PDAP1: variants seen among roughly 807,000 people sequenced by gnomAD.
The protein encoded by PDAP1 is 28 kDa heat- and acid-stable phosphoprotein.
Under a neutral mutation model 28.0 loss-of-function variants are expected in PDAP1, and 13 were observed. The observed-to-expected ratio is 0.46, with a 90% CI of 0.30 to 0.74. The LOEUF (loss-of-function observed/expected upper bound fraction) is 0.74, where lower values mean the gene tolerates loss of function less well. PDAP1 is among the 30% of genes least tolerant of loss of function. The pLI, the probability that PDAP1 is intolerant of heterozygous loss-of-function variation, is 0.07. For synonymous variants in PDAP1, 77 were observed against 85.1 expected (o/e 0.91, Z 0.52); for missense variants, 150 against 230.0 (o/e 0.65, Z 2.25).
Position 99,404,959 on chromosome 7 carries a change from G to T in PDAP1, c.14-6C>A. 6.2e-7 allele frequency: 1 copy of T among 1,611,606 alleles called. No individual in the cohort carries two copies. ...TTTGTGGCCTCCCTTTCTTCCTGCAGAGACCCGCAGTTTAGGTGAGCGGAA... is the reference window on the plus strand; with the variant it reads ...TTTGTGGCCTCCCTTTCTTCCTGCATAGACCCGCAGTTTAGGTGAGCGGAA... On this transcript the variant is annotated splice_region_variant and splice_polypyrimidine_tract_variant and intron_variant, in intron 1 of 5. Transcript: ENST00000350498.
Position 99,395,020 on chromosome 7 carries a change from C to T in PDAP1, c.*1662G>A, listed in dbSNP as rs957671608. 5.6e-5 allele frequency: 12 copies of T among 213,726 alleles called. No homozygotes were observed. The highest frequency in any genetic ancestry group is 1.2e-4 in the East Asian group (1 of 8,012). The allele number at this position is 213,726 out of a possible 1,614,324, so 13.2% of individuals were successfully genotyped here. On this transcript the variant is annotated 3_prime_UTR_variant, in exon 6 of 6. Coordinates refer to ENST00000350498, the MANE Select transcript of PDAP1 (RefSeq NM_014891.7). ...CAACAAAATTGATCCTGAAGCCCAA[C>T]GGCCTTATGCCAAATGGTTCCCTCC... is the stretch of plus-strand genomic sequence containing the variant.
rs1794794462 is a variant in PDAP1 at position 99,397,780 on chromosome 7, A to G, written c.487+82T>C. On this transcript the variant is annotated intron_variant, in intron 5 of 5. Transcript: ENST00000350498. ...TCCTCACCTCATTGTCACCTCGCGG[A>G]CAGGGACACGAGTTCAGTGCTTTGT... 4 of 1,533,288 alleles carry G rather than the reference A, an allele frequency of 2.6e-6. No individual in the cohort carries two copies. In the East Asian group the frequency reaches 9.1e-5, roughly 35 times the overall value. The allele number at this position is 1,533,288 out of a possible 1,614,324, so 95.0% of individuals were successfully genotyped here.
chr7:99,407,968 C>A lies in PDAP1; in HGVS notation c.13+568G>T, dbSNP rs569390455. ...ACCTAGTTGAAGCCTCCCAACAGTA[C>A]TAAGAGGTAGGTACAATCGTTATTC... On this transcript the variant is annotated intron_variant, in intron 1 of 5. Coordinates refer to ENST00000350498, the MANE Select transcript of PDAP1 (RefSeq NM_014891.7). Among the ~76,000 whole-genome samples the A allele has an allele frequency of 1.4e-4, 21 of 152,296 alleles. No homozygotes were observed. The East Asian group carries it at 3.5e-3, about 25-fold the overall frequency.
At chr7:99,397,669 T>C (rs931399389) in intron 5 of PDAP1, among the ~76,000 whole-genome samples, 193 bp downstream of exon 5, 6 of 152,204 alleles carry the variant, frequency 3.9e-5, no homozygotes, top group African/African-American at 1.4e-4. Flanking sequence ...GACCCCATGA[T>C]GTCGCTGGAC....
chr7:99,394,909 T>C lies in PDAP1; in HGVS notation c.*1773A>G. The C allele has an allele frequency of 1.1e-6, 1 of 949,100 alleles. No homozygotes were observed. The highest frequency in any genetic ancestry group is 1.3e-6 in the Non-Finnish European group (1 of 741,086). The allele number at this position is 949,100 out of a possible 1,614,324, so 58.8% of individuals were successfully genotyped here. Reference sequence around the variant, plus strand: ...CTAGAACTCGTGGGAGCAATCCTTCTGCCTCAGCCTCCCAAGTAGCTGGGA... The same window carrying C: ...CTAGAACTCGTGGGAGCAATCCTTCCGCCTCAGCCTCCCAAGTAGCTGGGA... On this transcript the variant is annotated 3_prime_UTR_variant, in exon 6 of 6. Coordinates refer to ENST00000350498, the MANE Select transcript of PDAP1 (RefSeq NM_014891.7).
intron 3 of PDAP1, among the ~76,000 whole-genome samples, chr7:99,402,894 A>G (rs1435135873): frequency 1.6e-5 from 2 of 127,526 alleles, no homozygotes; most frequent in Non-Finnish European, 3.0e-5. Context: ...AAAAAAAAAA[A>G]AAGAAAAGAA....
intron 1 of PDAP1, among the ~76,000 whole-genome samples, chr7:99,407,671 C>T (rs185531984): frequency 6.6e-6 from 1 of 152,212 alleles, no homozygotes; most frequent in East Asian, 1.9e-4. Flanking sequence ...AGGATTAGCC[C>T]AGTGTTTCAG....
At chr7:99,396,817 G>A in intron 5 of PDAP1, 77 bp from the exon 6 acceptor site, 1 of 1,136,964 alleles carries the variant, frequency 8.8e-7, no homozygotes, top group East Asian at 2.4e-5. Flanking sequence ...CAGAACCCTA[G>A]AACTTTAGGT....
chr7:99,397,884 C>G lies in PDAP1; in HGVS notation c.465G>C (p.Arg155=), dbSNP rs775964330. The G allele has an allele frequency of 6.2e-7, 1 of 1,613,242 alleles. No individual in the cohort carries two copies. The highest frequency in any genetic ancestry group is 1.1e-5 in the South Asian group (1 of 91,044). Residue 155 remains arginine, a synonymous_variant, in exon 5 of 6, where the codon CGG becomes CGC. Transcript: ENST00000350498. ...IIRKQREEAA[R]KKEEERKAKD... ...TACCTTTCCTTTCCTCTTCCTTCTT[C>G]CGGGCAGCCTCCTCCCGCTGTTTCC... is the stretch of plus-strand genomic sequence containing the variant.
At chr7:99,401,487 G>A (rs1006831839) in intron 3 of PDAP1, among the ~76,000 whole-genome samples, 19 of 151,834 alleles carry the variant, frequency 1.3e-4, no homozygotes, top group African/African-American at 3.4e-4. Flanking sequence ...CACCACCCCC[G>A]ACTAATTTTG....
chr7:99,405,845 T>G, intron 1 of PDAP1, among the ~76,000 whole-genome samples: 1 of 152,202 alleles, frequency 6.6e-6, no homozygotes, highest in East Asian at 1.9e-4. Context: ...CCTCTCAGTC[T>G]CAGTTTCCTC....
At chr7:99,399,966 G>A (rs1433535868) in intron 4 of PDAP1, among the ~76,000 whole-genome samples, 2 of 152,188 alleles carry the variant, frequency 1.3e-5, no homozygotes, top group Non-Finnish European at 2.9e-5. Context: ...CATTACAGAT[G>A]GATGCAGGTC....
rs1181651269 is a variant in PDAP1, at chr7:99,396,611, G to C, written c.*71C>G. 4 of 1,328,280 alleles carry C rather than the reference G, an allele frequency of 3.0e-6. No individual in the cohort carries two copies. The highest frequency in any genetic ancestry group is 1.4e-5 in the African/African-American group (1 of 69,548). The allele number at this position is 1,328,280 out of a possible 1,614,324, so 82.3% of individuals were successfully genotyped here. A position where few individuals can be genotyped will look rare whatever the true frequency, so the allele number is the denominator to read the frequency against. ...CTGTTGCAGCGGCGCCAGGGCACAG[G>C]GTGGGCGAGACACAGCAGAGGTCCT... On this transcript the variant is annotated 3_prime_UTR_variant, in exon 6 of 6. Coordinates refer to ENST00000350498, the MANE Select transcript of PDAP1 (RefSeq NM_014891.7).
At chr7:99,408,369 T>C (rs1795027409) in intron 1 of PDAP1, among the ~76,000 whole-genome samples, 167 bp downstream of exon 1, 1 of 151,980 alleles carries the variant, frequency 6.6e-6, no homozygotes, top group African/African-American at 2.4e-5. Context: ...CAGTCCTCAG[T>C]TTCCCCATCG....
intron 1 of PDAP1, among the ~76,000 whole-genome samples, chr7:99,405,599 T>G (rs1372603972): frequency 6.6e-6 from 1 of 151,888 alleles, no homozygotes; most frequent in African/African-American, 2.4e-5. Context: ...CTTGACCTCG[T>G]GATCTGCCCA....
intron 2 of PDAP1, among the ~76,000 whole-genome samples, chr7:99,404,497 T>C (rs888256243): frequency 6.6e-6 from 1 of 152,072 alleles, no homozygotes; most frequent in African/African-American, 2.4e-5. Flanking sequence ...ATGTGCAGTG[T>C]GGCAAATCAT....
At chr7:99,407,926 C>A (rs1223005394) in intron 1 of PDAP1, among the ~76,000 whole-genome samples, 6 of 152,214 alleles carry the variant, frequency 3.9e-5, no homozygotes, top group South Asian at 2.1e-4. Context: ...CACTGTACTG[C>A]GCACTCCACG....
chr7:99,398,704 TAAAAAATACAAACA>T (rs1794809253), intron 4 of PDAP1, among the ~76,000 whole-genome samples: 1 of 151,770 alleles, frequency 6.6e-6, no homozygotes, highest in Non-Finnish European at 1.5e-5. Flanking sequence ...ATCCTATCTC[TAAAAAATACAAACA>T]AAAAAAGGAA....
intron 3 of PDAP1, among the ~76,000 whole-genome samples, chr7:99,401,982 T>C (rs1794875738): frequency 6.6e-6 from 1 of 151,860 alleles, no homozygotes; most frequent in Non-Finnish European, 1.5e-5. Context: ...TAAAAGCATA[T>C]CTGGAGGCTG....
Sources: allele counts gnomAD v4.1 joint callset (sites outside exome capture counted in the v4.1 genomes callset), GRCh38; gene constraint gnomAD v4.1.1; transcripts MANE v1.5; gene names NCBI Gene and HGNC (gene_info 2026-07-23, HGNC 2026-07-21).